BORCS5: variants seen among roughly 807,000 people sequenced by gnomAD.
BORCS5 encodes the protein BLOC-1-related complex subunit 5.
A neutral mutation model predicts 22.1 loss-of-function variants in BORCS5; 17 were observed. The ratio of observed to expected loss-of-function variants is 0.77; its 90% CI spans 0.53 to 1.15. The LOEUF (loss-of-function observed/expected upper bound fraction) is 1.15. Ranked by LOEUF, BORCS5 falls within the 50% of genes most tolerant of loss-of-function variation. The pLI is 0.00. For synonymous variants in BORCS5, 117 were observed against 99.8 expected, an observed-to-expected ratio of 1.17 and a Z score of -1.03; for missense variants, 247 against 253.2, an observed-to-expected ratio of 0.98 and a Z score of 0.17.
chr12:12,416,850 C>T (rs150742060), intron 2 of BORCS5, among the ~76,000 whole-genome samples: 2,547 of 146,506 alleles, frequency 0.017, 68 homozygotes, highest in African/African-American at 0.06. Flanking sequence ...GGCACAGTCT[C>T]AGCTCACTGC....
intron 2 of BORCS5, among the ~76,000 whole-genome samples, chr12:12,379,727 T>C (rs1863735990): frequency 6.6e-6 from 1 of 151,350 alleles, no homozygotes. Context: ...TGGAGCTAGT[T>C]TGATTGTCTA....
At chr12:12,423,870 T>G (rs1201638377) in intron 2 of BORCS5, among the ~76,000 whole-genome samples, 3 of 152,070 alleles carry the variant, frequency 2.0e-5, no homozygotes, top group Non-Finnish European at 4.4e-5. Flanking sequence ...TATATTTTTT[T>G]GTAGAGATGG....
intron 2 of BORCS5, among the ~76,000 whole-genome samples, chr12:12,421,368 G>T (rs552062568): frequency 6.6e-6 from 1 of 152,314 alleles, no homozygotes; most frequent in Admixed American, 6.5e-5. Context: ...ATTTGTGTAT[G>T]TTGAACCAGC....
chr12:12,402,896 C>T (rs920521724), intron 2 of BORCS5, among the ~76,000 whole-genome samples: 3 of 152,234 alleles, frequency 2.0e-5, no homozygotes, highest in South Asian at 2.1e-4. Context: ...AAGTTGTATA[C>T]GTGAACGTTG....
chr12:12,448,282 C>G (rs190759108), intron 3 of BORCS5, among the ~76,000 whole-genome samples: 4 of 152,306 alleles, frequency 2.6e-5, no homozygotes, highest in Non-Finnish European at 4.4e-5. Flanking sequence ...GTGGTGCAAT[C>G]TCGGCTCACT....
At chr12:12,425,612 A>G (rs563702184) in intron 2 of BORCS5, among the ~76,000 whole-genome samples, 9 of 152,232 alleles carry the variant, frequency 5.9e-5, no homozygotes, top group Non-Finnish European at 1.3e-4. Context: ...CATCCTTCAT[A>G]TGCTTATTGG....
intron 2 of BORCS5, among the ~76,000 whole-genome samples, chr12:12,433,868 A>G (rs1039636336): frequency 1.3e-5 from 2 of 152,160 alleles, no homozygotes; most frequent in African/African-American, 2.4e-5. Context: ...CTCTGGGACA[A>G]CCTAGCTGGG....
Position 12,361,287 on chromosome 12 carries a change from T to G in BORCS5, c.140T>G (p.Val47Gly). The change falls in exon 2 of 4, where the codon GTC becomes GGC. Residue 47 changes from valine (V) to glycine (G), a missense_variant. Coordinates refer to ENST00000314565, the MANE Select transcript of BORCS5 (RefSeq NM_058169.6). Reference sequence around the variant, plus strand: ...CAGGGCTCCCAGGCCTCACGGAACGTCAGCAACGATCCCGATGTCATCAAG... The same window carrying G: ...CAGGGCTCCCAGGCCTCACGGAACGGCAGCAACGATCCCGATGTCATCAAG... ...VAQGSQASRN[V>G]SNDPDVIKLQ... The G allele has an allele frequency of 6.2e-7, 1 of 1,614,146 alleles. No individual in the cohort carries two copies. Among genetic ancestry groups the G allele is most frequent in the Non-Finnish European group, 8.5e-7 (1 of 1,180,032 alleles).
At chr12:12,435,950 AT>A in intron 3 of BORCS5, 165 bp downstream of exon 3, 1 of 626,566 alleles carries the variant, frequency 1.6e-6, no homozygotes, top group Non-Finnish European at 2.6e-6. Flanking sequence ...AGCTGGGCTA[AT>A]TTAGAGTTTG....
chr12:12,406,021 T>C (rs936182438), intron 2 of BORCS5, among the ~76,000 whole-genome samples: 3 of 152,246 alleles, frequency 2.0e-5, no homozygotes, highest in African/African-American at 7.2e-5. Flanking sequence ...CAAACAATGC[T>C]GGCTGGCATT....
chr12:12,409,055 C>T (rs1033566625), intron 2 of BORCS5, among the ~76,000 whole-genome samples: 1 of 151,960 alleles, frequency 6.6e-6, no homozygotes, highest in Non-Finnish European at 1.5e-5. Context: ...GTTACGTCTC[C>T]ACCAATAGTG....
intron 3 of BORCS5, among the ~76,000 whole-genome samples, chr12:12,439,976 A>G (rs892055611): frequency 6.6e-6 from 1 of 152,194 alleles, no homozygotes; most frequent in Non-Finnish European, 1.5e-5. Flanking sequence ...TGTTTCCTGG[A>G]AATTTGGTTG....
chr12:12,452,580 A>T, intron 3 of BORCS5: 2 of 314,500 alleles, frequency 6.4e-6, no homozygotes, highest in Non-Finnish European at 1.3e-5. Flanking sequence ...TTCCCCACCC[A>T]CTCCCTCCCG....
At chr12:12,434,442 A>G (rs1299373581) in intron 2 of BORCS5, among the ~76,000 whole-genome samples, 2 of 152,174 alleles carry the variant, frequency 1.3e-5, no homozygotes, top group East Asian at 1.9e-4. Context: ...CCTGCTAGGG[A>G]ATCTCTGAGG....
chr12:12,364,555 C>T (rs1396179600), intron 2 of BORCS5, among the ~76,000 whole-genome samples: 1 of 152,110 alleles, frequency 6.6e-6, no homozygotes, highest in African/African-American at 2.4e-5. Context: ...AGTGGACCCA[C>T]GTGGTTCAGA....
chr12:12,448,318 G>A (rs916028025), intron 3 of BORCS5, among the ~76,000 whole-genome samples: 4 of 151,936 alleles, frequency 2.6e-5, no homozygotes, highest in African/African-American at 4.8e-5. Flanking sequence ...CGGGTTCAAC[G>A]GATTCTCCTG....
chr12:12,372,223 A>G (rs1240195180), intron 2 of BORCS5, among the ~76,000 whole-genome samples: 1 of 152,218 alleles, frequency 6.6e-6, no homozygotes, highest in African/African-American at 2.4e-5. Flanking sequence ...TACTTTTAGT[A>G]GAGACGGGGT....
chr12:12,369,333 C>T (rs542275934), intron 2 of BORCS5, among the ~76,000 whole-genome samples: 39 of 152,168 alleles, frequency 2.6e-4, no homozygotes, highest in Admixed American at 2.6e-4. Context: ...AAGGGCATCT[C>T]TTGTAGACAG....
intron 2 of BORCS5, among the ~76,000 whole-genome samples, chr12:12,390,821 G>C (rs1003517777): frequency 2.0e-5 from 3 of 151,776 alleles, no homozygotes; most frequent in African/African-American, 7.3e-5. Context: ...AGCAAAAGCA[G>C]TAATAAGTAG....
Sources: allele counts gnomAD v4.1 joint callset (sites outside exome capture counted in the v4.1 genomes callset), GRCh38; gene constraint gnomAD v4.1.1; transcripts MANE v1.5; gene names NCBI Gene and HGNC (gene_info 2026-07-23, HGNC 2026-07-21).